KCTD5: variants seen among roughly 807,000 people sequenced by gnomAD.
KCTD5 encodes the protein potassium channel tetramerization domain containing 5, also known as BTB/POZ domain-containing protein KCTD5.
KCTD5 carries 12 observed loss-of-function variants against 27.9 expected under a neutral mutation model. The ratio of observed to expected loss-of-function variants is 0.43; its 90% CI spans 0.28 to 0.70. The LOEUF is 0.70. Ranked by LOEUF, KCTD5 falls within the 30% of genes least tolerant of loss-of-function variation. The pLI, the probability that KCTD5 is intolerant of heterozygous loss-of-function variation, is 0.19. For missense variants in KCTD5, 226 were observed against 274.8 expected, an observed-to-expected ratio of 0.82 and a Z score of 1.26; for synonymous variants, 147 against 121.4, an observed-to-expected ratio of 1.21 and a Z score of -1.39.
chr16:2,690,956 C>T (rs1274977329), intron 1 of KCTD5, among the ~76,000 whole-genome samples: 2 of 152,216 alleles, frequency 1.3e-5, no homozygotes, highest in African/African-American at 2.4e-5. Flanking sequence ...TCCCCAACAC[C>T]AGCAGTGAGC....
intron 2 of KCTD5, among the ~76,000 whole-genome samples, chr16:2,696,527 C>G (rs968667169): frequency 1.3e-5 from 2 of 152,254 alleles, no homozygotes; most frequent in Non-Finnish European, 2.9e-5. Flanking sequence ...TCTGAGTGAT[C>G]GTGGTGCAGG....
rs914200965 is a variant in KCTD5, at chr16:2,702,512, C to G, written c.675+34C>G. 3 of 1,606,254 alleles carry G rather than the reference C, an allele frequency of 1.9e-6. No individual in the cohort carries two copies. In the African/African-American group the frequency reaches 4.0e-5, roughly 21 times the overall value. ...TGGGCCGGCCCTGGCCTGGGGCAGT[C>G]TTGGGTGGGGAAGGCTCTTGCCCTC... is the stretch of plus-strand genomic sequence containing the variant. On this transcript the variant is annotated intron_variant, in intron 5 of 5. Coordinates refer to ENST00000301738, the MANE Select transcript of KCTD5 (RefSeq NM_018992.4).
At chr16:2,684,741 G>C (rs2096060470) in intron 1 of KCTD5, 1 of 151,368 alleles carries the variant, frequency 6.6e-6, no homozygotes. Flanking sequence ...GTCCAGCCTG[G>C]GTGAAAGAGC....
chr16:2,690,175 A>G (rs890753547), intron 1 of KCTD5, among the ~76,000 whole-genome samples: 6 of 152,256 alleles, frequency 3.9e-5, no homozygotes, highest in African/African-American at 1.2e-4. Context: ...CCAGACGTCC[A>G]TCTGCGGCTG....
chr16:2,700,593 G>T (rs548958347), intron 4 of KCTD5, among the ~76,000 whole-genome samples: 9 of 152,254 alleles, frequency 5.9e-5, no homozygotes, highest in African/African-American at 2.2e-4. Flanking sequence ...GTGCTAGACA[G>T]ACACTGAGGG....
chr16:2,699,189 T>G (rs1013558521), intron 3 of KCTD5: 2 of 455,974 alleles, frequency 4.4e-6, no homozygotes, highest in African/African-American at 4.0e-5. Flanking sequence ...CCGTAGTGAC[T>G]GTCCAGGATG....
intron 1 of KCTD5, among the ~76,000 whole-genome samples, chr16:2,690,113 G>C (rs570536577): frequency 1.3e-5 from 2 of 152,264 alleles, no homozygotes; most frequent in Non-Finnish European, 2.9e-5. Context: ...CTGGTGAGAT[G>C]AGCAGAGCGG....
At chr16:2,698,670 A>T (rs775663084) in intron 3 of KCTD5, among the ~76,000 whole-genome samples, 4 of 140,320 alleles carry the variant, frequency 2.9e-5, no homozygotes, top group African/African-American at 1.0e-4. Flanking sequence ...CGCGGCTGCC[A>T]TCAGAAGTCT....
chr16:2,703,133 G>A (rs893849104), intron 5 of KCTD5, among the ~76,000 whole-genome samples: 12 of 152,160 alleles, frequency 7.9e-5, no homozygotes, highest in Non-Finnish European at 5.9e-5. Context: ...CCCCTGCCTC[G>A]TTTGCTTTCA....
In KCTD5 at chr16:2,682,731, C is replaced by G; in HGVS notation, c.183C>G (p.Thr61=). 6.2e-7 allele frequency: 1 copy of G among 1,610,954 alleles called. No individual in the cohort carries two copies. The highest frequency in any genetic ancestry group is 1.7e-4 in the Middle Eastern group (1 of 6,060). The stretch of plus-strand genomic sequence containing the variant: ...CCTACTTCCTCACCACTCGGCAGAC[C>G]CTGTGCCGGGACCCGAAATCCTTCC... ...GGTYFLTTRQ[T]LCRDPKSFLY... is the part of the protein sequence containing the mutation. Residue 61 remains threonine (T), a synonymous_variant, in exon 1 of 6, where the codon ACC becomes ACG. Transcript: ENST00000301738.
At chr16:2,699,023 T>G in intron 3 of KCTD5, 1 of 419,422 alleles carries the variant, frequency 2.4e-6, no homozygotes, top group Non-Finnish European at 4.8e-6. Context: ...TCTTGCAGAA[T>G]AAAGCAACTC....
chr16:2,701,019 T>G (rs1204654851), intron 4 of KCTD5, among the ~76,000 whole-genome samples: 1 of 152,130 alleles, frequency 6.6e-6, no homozygotes, highest in Admixed American at 6.5e-5. Flanking sequence ...CAGTTGTCCC[T>G]TGGTGGGGCT....
At chr16:2,686,795 T>C (rs1243316004) in intron 1 of KCTD5, among the ~76,000 whole-genome samples, 1 of 147,388 alleles carries the variant, frequency 6.8e-6, no homozygotes, top group Non-Finnish European at 1.5e-5. Flanking sequence ...TGGAAGGAAT[T>C]GTTCAGACAG....
chr16:2,692,435 G>A (rs901421136), intron 1 of KCTD5, among the ~76,000 whole-genome samples: 5 of 152,110 alleles, frequency 3.3e-5, no homozygotes, highest in African/African-American at 9.7e-5. Flanking sequence ...AAGCGGCCCC[G>A]GACTGGCTGG....
At chr16:2,687,745 C>T (rs1197846168) in intron 1 of KCTD5, among the ~76,000 whole-genome samples, 6 of 152,124 alleles carry the variant, frequency 3.9e-5, no homozygotes, top group African/African-American at 9.7e-5. Flanking sequence ...TTAGCAGCCC[C>T]CCTCCACGCC....
intron 2 of KCTD5, chr16:2,697,053 C>G (rs977289559): frequency 2.6e-5 from 4 of 152,434 alleles, no homozygotes; most frequent in African/African-American, 9.6e-5. Flanking sequence ...CGCCCCGATG[C>G]AGCCACTCAC....
intron 1 of KCTD5, among the ~76,000 whole-genome samples, chr16:2,687,747 CT>C (rs2067546595): frequency 1.3e-5 from 2 of 151,848 alleles, no homozygotes; most frequent in Admixed American, 6.6e-5. Context: ...AGCAGCCCCC[CT>C]CCACGCCCCA....
intron 3 of KCTD5, among the ~76,000 whole-genome samples, chr16:2,698,594 C>T: frequency 6.6e-6 from 1 of 150,978 alleles, no homozygotes; most frequent in Non-Finnish European, 1.5e-5. Flanking sequence ...GCTGAGCCCG[C>T]CCCCCCCACC....
chr16:2,702,953 C>T (rs1012648982), intron 5 of KCTD5, among the ~76,000 whole-genome samples: 20 of 124,646 alleles, frequency 1.6e-4, no homozygotes, highest in African/African-American at 4.2e-4. Context: ...TCAGCCACTA[C>T]GTGGGCCTCA....
Sources: allele counts gnomAD v4.1 joint callset (sites outside exome capture counted in the v4.1 genomes callset), GRCh38; gene constraint gnomAD v4.1.1; transcripts MANE v1.5; gene names NCBI Gene and HGNC (gene_info 2026-07-23, HGNC 2026-07-21).